Variants in ZAN observed in about 807,000 individuals in gnomAD.
ZAN encodes zonadhesin (gene/pseudogene).
A neutral mutation model predicts 286.2 loss-of-function variants in ZAN; 260 were observed. The observed-to-expected ratio is 0.91, with a 90% CI of 0.82 to 1.01. The LOEUF is 1.01. Ranked by LOEUF, ZAN falls within the 50% of genes least tolerant of loss-of-function variation. The probability of loss-of-function intolerance (pLI) is 0.00; values close to 1 mark genes in which losing one functional copy is unlikely to be tolerated. For synonymous variants in ZAN, 1,368 were observed against 1,417.5 expected, an observed-to-expected ratio of 0.97 and a Z score of 0.79; for missense variants, 3,410 against 3,639.2, an observed-to-expected ratio of 0.94 and a Z score of 1.62.
rs191242633 is a variant in ZAN, at chr7:100,776,546, A to G, written c.6299A>G (p.Asp2100Gly). The G allele has an allele frequency of 6.4e-7, 1 of 1,558,666 alleles. No homozygotes were observed. Among genetic ancestry groups the G allele is most frequent in the Admixed American group, 1.9e-5 (1 of 51,412 alleles). Residue 2100 changes from aspartate (D) to glycine (G), a missense_variant, in exon 34 of 48, where the codon GAT becomes GGT. By Grantham distance (94) the Asp-to-Gly change is moderately conservative. This residue lies in a region of ZAN where 1,289 missense variants were observed against 1,314.3 expected (regional missense o/e 0.98). Coordinates refer to ENST00000613979, the MANE Select transcript of ZAN (RefSeq NM_003386.3). ...AGTGAATTTGTGAACAGTTGGAAAGATAAGGACATTGACCCAAGGTAGTGG... is the reference window on the plus strand; with the variant it reads ...AGTGAATTTGTGAACAGTTGGAAAGGTAAGGACATTGACCCAAGGTAGTGG... Reference protein sequence around the residue: ...SDSEFVNSWKDKDIDPSCQSL... With the variant: ...SDSEFVNSWKGKDIDPSCQSL...
At chr7:100,786,196 GGT>G in intron 37 of ZAN, 55 bp downstream of exon 37, 2 of 1,604,700 alleles carry the variant, frequency 1.2e-6, no homozygotes, top group Non-Finnish European at 1.7e-6. Context: ...CCAGGGCGGA[GGT>G]GGAGGAAGAG....
In ZAN at chr7:100,755,306, C is replaced by T; in HGVS notation, c.3205C>T (p.Leu1069Phe). Residue 1069 changes from leucine (L) to phenylalanine (F), a missense_variant, in exon 15 of 48, where the codon CTC (leucine) becomes TTC (phenylalanine). Physicochemically the swap from Leu to Phe is conservative, Grantham distance 22. Coordinates refer to ENST00000613979, the MANE Select transcript of ZAN (RefSeq NM_003386.3). The stretch of plus-strand genomic sequence containing the variant: ...GAGCCCCAGGCCTAGCTGTGGGCCC[C>T]TCTGTCGGGAGGGCTGTGTCTGCAA... The part of the protein sequence containing the change: ...CKSPRPSCGP[L>F]CREGCVCNPG... The T allele has an allele frequency of 2.5e-6, 4 of 1,613,906 alleles. No homozygotes were observed. Among genetic ancestry groups the T allele is most frequent in the Non-Finnish European group, 3.4e-6 (4 of 1,179,888 alleles).
At chr7:100,748,660 G>C (rs78456030) in intron 11 of ZAN, among the ~76,000 whole-genome samples, 190 bp downstream of exon 11, 1 of 152,092 alleles carries the variant, frequency 6.6e-6, no homozygotes, top group East Asian at 1.9e-4. Flanking sequence ...TCTCAGGGCT[G>C]GGGGGTCACT....
At chr7:100,762,110 C>G (rs529464215) in intron 19 of ZAN, 105 bp from the exon 20 acceptor site, 6 of 1,430,136 alleles carry the variant, frequency 4.2e-6, no homozygotes, top group African/African-American at 1.4e-5. Flanking sequence ...ATCCTCCTCA[C>G]GCCCTCTGTT....
At chr7:100,794,066 A>AG (rs765428480) in intron 43 of ZAN, 48 bp downstream of exon 43, 301 of 1,613,198 alleles carry the variant, frequency 1.9e-4, no homozygotes, top group Non-Finnish European at 2.4e-4. Context: ...CGCCAAGGAG[A>AG]GCCAGACCAG....
At position 100,792,073 on chromosome 7, in the gene ZAN, C is replaced by T; in HGVS notation, c.7637C>T (p.Ala2546Val). The T allele has an allele frequency of 6.2e-7, 1 of 1,613,148 alleles. No individual in the cohort carries two copies. The highest frequency in any genetic ancestry group is 8.5e-7 in the Non-Finnish European group (1 of 1,179,768). The change falls in exon 41 of 48, where the codon GCC becomes GTC. Residue 2546 changes from alanine to valine, a missense_variant. Physicochemically the swap from Ala to Val is moderately conservative, Grantham distance 64. Coordinates refer to ENST00000613979, the MANE Select transcript of ZAN (RefSeq NM_003386.3). ...PEQLASNSTQ[A>V]CRVLADPQGP... is the part of the protein sequence containing the mutation. ...CAGCTGGCGAGCAACAGCACCCAGG[C>T]CTGTAGGGTGCTGGCAGACCCCCAG...
chr7:100,763,696 C>A lies in ZAN; in HGVS notation c.3987-110C>A. The A allele has an allele frequency of 1.8e-6, 2 of 1,098,224 alleles. No individual in the cohort carries two copies. The highest frequency in any genetic ancestry group is 1.3e-5 in the South Asian group (1 of 74,816). The allele number at this position is 1,098,224 out of a possible 1,614,324, so 68.0% of individuals were successfully genotyped here. A position where few individuals can be genotyped will look rare whatever the true frequency, so the allele number is the denominator to read the frequency against. On this transcript the variant is annotated intron_variant, in intron 20 of 47. Coordinates refer to ENST00000613979, the MANE Select transcript of ZAN (RefSeq NM_003386.3). This position sits in a 1 kb window ranked among gnomAD's most constrained non-coding sequence, Gnocchi z 4.6. The stretch of plus-strand genomic sequence containing the variant: ...ACATCCTCTGGGAGGGGTTTCCCAG[C>A]TGACAGGCTGGTTTGCCGGTCCCGG...
chr7:100,757,874 A>G (rs1164157705), intron 15 of ZAN, among the ~76,000 whole-genome samples: 1 of 150,888 alleles, frequency 6.6e-6, no homozygotes, highest in Non-Finnish European at 1.5e-5. Flanking sequence ...CAGGAATTCA[A>G]CACCAGCCTA....
intron 7 of ZAN, among the ~76,000 whole-genome samples, chr7:100,738,868 TCTTCTTCTC>T (rs1446437301): frequency 0.013 from 322 of 23,858 alleles, 66 homozygotes; most frequent in South Asian, 0.11. Flanking sequence ...CTCTTCCTCT[TCTTCTTCTC>T]CCTCTCCCTC....
chr7:100,795,986 A>G (rs1382583851), intron 45 of ZAN, among the ~76,000 whole-genome samples: 1 of 152,102 alleles, frequency 6.6e-6, no homozygotes, highest in African/African-American at 2.4e-5. Flanking sequence ...AGGCTGAGGC[A>G]CGAGACCCGC....
chr7:100,749,315 CG>C (rs1562920733), intron 11 of ZAN, among the ~76,000 whole-genome samples: 1 of 151,378 alleles, frequency 6.6e-6, no homozygotes, highest in East Asian at 1.9e-4. Context: ...GCACTCCATC[CG>C]GGGCAACAGA....
At position 100,787,981 on chromosome 7, in the gene ZAN, A is replaced by T; in HGVS notation, c.7072A>T (p.Ile2358Phe). 1 of 1,467,222 alleles carries T rather than the reference A, an allele frequency of 6.8e-7. No individual in the cohort carries two copies. Among genetic ancestry groups the T allele is most frequent in the Non-Finnish European group, 9.4e-7 (1 of 1,059,268 alleles). 90.9% of individuals were successfully genotyped at this position (1,467,222 alleles called of 1,614,324 possible). A position where few individuals can be genotyped will look rare whatever the true frequency, so the allele number is the denominator to read the frequency against. Residue 2358 changes from isoleucine (I) to phenylalanine (F), a missense_variant, in exon 38 of 48, where the codon ATC becomes TTC. This residue lies in a region of ZAN where 1,289 missense variants were observed against 1,314.3 expected (regional missense o/e 0.98). Transcript: ENST00000613979. ...GCAAGGCCGCATGACCTATGTTCTG[A>T]TCAAGACTGTGGACGTACTGCCTGA... ...RLQGRMTYVL[I>F]KTVDVLPEGV...
chr7:100,797,727 TGTTAA>T lies in ZAN; in HGVS notation c.8438_*3del. 6.2e-7 allele frequency: 1 copy of T among 1,614,008 alleles called. No homozygotes were observed. Among genetic ancestry groups the T allele is most frequent in the Non-Finnish European group, 8.5e-7 (1 of 1,179,898 alleles). ...CTCAGATACTGTTCTGGACTGTGCCTGTTAAGTTGCTCAGTTTTGAGCTGTCTTCA... is the reference window on the plus strand; with the variant it reads ...CTCAGATACTGTTCTGGACTGTGCCTGTTGCTCAGTTTTGAGCTGTCTTCA... On this transcript the variant is annotated frameshift_variant and stop_lost, in exon 48 of 48. Transcript: ENST00000613979. LOFTEE classifies it high-confidence loss of function.
chr7:100,773,613 T>C (rs1041149395), intron 30 of ZAN, 108 bp from the exon 31 acceptor site: 2 of 1,541,118 alleles, frequency 1.3e-6, no homozygotes, highest in East Asian at 2.4e-5. Flanking sequence ...TGGCCAAGGC[T>C]GGGGGGCGAG....
At chr7:100,779,204 A>G (rs746502626) in intron 34 of ZAN, among the ~76,000 whole-genome samples, 111 of 134,456 alleles carry the variant, frequency 8.3e-4, no homozygotes, top group Middle Eastern at 8.1e-3. Flanking sequence ...CTCTGTCTCC[A>G]AAAAAAAAAA....
In ZAN at chr7:100,774,591, A is replaced by C. The variant is rs190744721; in HGVS notation, c.5779+726A>C. On this transcript the variant is annotated intron_variant, in intron 31 of 47. Transcript: ENST00000613979. ...CTGCTACTTGGGAGGCTGAGGTAGG[A>C]GGATCTCTTGAGCCCAGGAATTAGA... Among the ~76,000 whole-genome samples the C allele has an allele frequency of 6.4e-4, 97 of 152,260 alleles. 1 individual carries two copies. Among genetic ancestry groups the C allele is most frequent in the African/African-American group, 2.0e-3 (83 of 41,560 alleles).
chr7:100,747,548 A>G lies in ZAN; in HGVS notation c.932-2A>G, dbSNP rs1808317374. 1 of 1,613,600 alleles carries G rather than the reference A, an allele frequency of 6.2e-7. No homozygotes were observed. The highest frequency in any genetic ancestry group is 1.7e-5 in the Admixed American group (1 of 59,978). ...TTCTCCTTCCAATTCCTTTCACTGC[A>G]GGGAGTATCCGGAAACACACTCTCT... On this transcript the variant is annotated splice_acceptor_variant, in intron 8 of 47. Transcript: ENST00000613979. LOFTEE classifies it high-confidence loss of function.
At position 100,737,325 on chromosome 7, in the gene ZAN, A is replaced by G; in HGVS notation, c.589A>G (p.Ile197Val). Residue 197 changes from isoleucine (I) to valine (V), a missense_variant, in exon 6 of 48, where the codon ATC becomes GTC. By Grantham distance (29) the Ile-to-Val change is conservative (BLOSUM62 3). Transcript: ENST00000613979. ...YLDIALDALS[I>V]RRGSCNRVCM... ...GGACATCGCCCTGGATGCCCTCTCT[A>G]TCCGCCGGGGCTCCTGTAATCGCGG... is the stretch of plus-strand genomic sequence containing the variant. The G allele has an allele frequency of 6.8e-7, 1 of 1,478,616 alleles. No individual in the cohort carries two copies. The highest frequency in any genetic ancestry group is 1.7e-4 in the Middle Eastern group (1 of 5,836). 91.6% of individuals were successfully genotyped at this position (1,478,616 alleles called of 1,614,324 possible).
At position 100,751,174 on chromosome 7, in the gene ZAN, G is replaced by T. The variant is rs758267285; in HGVS notation, c.1522-8G>T. ...TCTCTCTCCGTCTCTCTCCCTTGTC[G>T]CCTTTAGCTTATTTTCAAGGGCATC... is the stretch of plus-strand genomic sequence containing the variant. On this transcript the variant is annotated splice_region_variant and splice_polypyrimidine_tract_variant and intron_variant, in intron 12 of 47. Coordinates refer to ENST00000613979, the MANE Select transcript of ZAN (RefSeq NM_003386.3). The T allele has an allele frequency of 8.2e-6, 13 of 1,593,100 alleles. No individual in the cohort carries two copies. In the Admixed American group the frequency reaches 2.2e-4, roughly 27 times the overall value.
Sources: gnomAD v4.1 joint callset for allele counts (sites outside exome capture counted in the v4.1 genomes callset) on GRCh38, gnomAD v4.1.1 for gene constraint, gnomAD v4.1.1 regional missense constraint, Gnocchi (gnomAD v3.1) non-coding constraint, MANE v1.5 for transcripts, NCBI Gene and HGNC (gene_info 2026-07-23, HGNC 2026-07-21) for gene names.